PCDHGB3: variants seen among roughly 807,000 people sequenced by gnomAD.
PCDHGB3 encodes protocadherin gamma subfamily B, 3, also known as protocadherin gamma-B3.
In PCDHGB3, 40 loss-of-function variants were observed where a neutral mutation model predicts 59.2. The observed-to-expected ratio is 0.68, with a 90% CI of 0.52 to 0.88. The LOEUF (loss-of-function observed/expected upper bound fraction) is 0.88. Ranked by LOEUF, PCDHGB3 falls within the 40% of genes least tolerant of loss-of-function variation. The pLI is 0.00. For synonymous variants in PCDHGB3, 581 were observed against 503.6 expected, an observed-to-expected ratio of 1.15 and a Z score of -2.06; for missense variants, 1,309 against 1,187.9, an observed-to-expected ratio of 1.10 and a Z score of -1.50.
chr5:141,376,067 G>A (rs766311632), intron 1 of PCDHGB3: 4 of 1,613,402 alleles, frequency 2.5e-6, no homozygotes, highest in Non-Finnish European at 3.4e-6. Context: ...CACGCTCACC[G>A]TGGCCGTGGC....
At chr5:141,428,286 A>G in intron 1 of PCDHGB3, 1 of 730,462 alleles carries the variant, frequency 1.4e-6, no homozygotes, top group Non-Finnish European at 2.4e-6. Flanking sequence ...ATTCCCAAGC[A>G]AAGCTGCAGA....
chr5:141,417,618 G>C, intron 1 of PCDHGB3: 3 of 654,348 alleles, frequency 4.6e-6, no homozygotes, highest in Non-Finnish European at 7.4e-6. Flanking sequence ...CCAGTGCAGA[G>C]CAAGCGCTGA....
chr5:141,410,164 C>G (rs756470415), intron 1 of PCDHGB3: 8 of 1,613,642 alleles, frequency 5.0e-6, no homozygotes, highest in South Asian at 2.2e-5. Context: ...AGCCGCCACT[C>G]TCTGCCACCG....
intron 1 of PCDHGB3, among the ~76,000 whole-genome samples, chr5:141,480,451 T>G (rs2099519323): frequency 6.6e-6 from 1 of 152,136 alleles, no homozygotes; most frequent in African/African-American, 2.4e-5. Flanking sequence ...ATAATTATTT[T>G]TATTAGTTCC....
Position 141,370,692 on chromosome 5 carries a change from T to G in PCDHGB3, c.298T>G (p.Ser100Ala). 6.2e-7 allele frequency: 1 copy of G among 1,613,730 alleles called. No homozygotes were observed. Among genetic ancestry groups the G allele is most frequent in the Non-Finnish European group, 8.5e-7 (1 of 1,179,860 alleles). ...IDREEICGKK[S>A]TCVLEFEMVA... Reference sequence around the variant, plus strand: ...CCGAGAGGAGATTTGTGGCAAGAAGTCGACGTGTGTTCTGGAATTTGAAAT... The same window carrying G: ...CCGAGAGGAGATTTGTGGCAAGAAGGCGACGTGTGTTCTGGAATTTGAAAT... The change falls in exon 1 of 4, where the codon TCG becomes GCG. Residue 100 changes from serine (S) to alanine (A), a missense_variant. Ser to Ala is a moderately conservative substitution (Grantham distance 99, BLOSUM62 1). Coordinates refer to ENST00000576222, the MANE Select transcript of PCDHGB3 (RefSeq NM_018924.5).
intron 1 of PCDHGB3, chr5:141,414,601 T>A: frequency 6.2e-7 from 1 of 1,613,944 alleles, no homozygotes; most frequent in Non-Finnish European, 8.5e-7. Flanking sequence ...TGCCTCCATC[T>A]TCTCAGTGAC....
chr5:141,374,731 T>C (rs922018990), intron 1 of PCDHGB3: 7 of 1,610,566 alleles, frequency 4.3e-6, no homozygotes, highest in Non-Finnish European at 4.2e-6. Flanking sequence ...CTGCCATGGA[T>C]GGCGGCGACC....
chr5:141,375,235 T>C (rs1335648205), intron 1 of PCDHGB3: 1 of 1,613,872 alleles, frequency 6.2e-7, no homozygotes, highest in Non-Finnish European at 8.5e-7. Flanking sequence ...TGGTAACCTG[T>C]TCCATCCCGA....
chr5:141,478,839 T>G, intron 1 of PCDHGB3: 6 of 1,423,322 alleles, frequency 4.2e-6, no homozygotes, highest in Non-Finnish European at 5.5e-6. Flanking sequence ...AAGGGATGGT[T>G]AAGCTAAAAC....
Position 141,499,370 on chromosome 5 carries a change from A to T in PCDHGB3, c.2474+4505A>T, listed in dbSNP as rs546430948. ...CATTCAACAAACAAATAGCAACTTA[A>T]TTTTTTTCCACTTATAAAATAGTAC... On this transcript the variant is annotated intron_variant, in intron 2 of 3. Coordinates refer to ENST00000576222, the MANE Select transcript of PCDHGB3 (RefSeq NM_018924.5). 2.0e-3 allele frequency among the ~76,000 whole-genome samples: 300 copies of T among 152,286 alleles called. 1 individual carries two copies. The highest frequency in any genetic ancestry group is 2.7e-3 in the Non-Finnish European group (184 of 68,028).
At position 141,414,131 on chromosome 5, in the gene PCDHGB3, A is replaced by G. The variant is rs977911874; in HGVS notation, c.2415+41322A>G. 1.9e-6 allele frequency: 3 copies of G among 1,594,622 alleles called. No homozygotes were observed. The highest frequency in any genetic ancestry group is 2.7e-5 in the African/African-American group (2 of 74,402). The stretch of plus-strand genomic sequence containing the variant: ...CTAGATTATGAAGAAACCGGTTTCT[A>G]TGAAATAGAAATACAAGCAGAAGAT... On this transcript the variant is annotated intron_variant, in intron 1 of 3. Transcript: ENST00000576222.
intron 1 of PCDHGB3, chr5:141,393,430 C>A: frequency 6.2e-7 from 1 of 1,614,040 alleles, no homozygotes. Flanking sequence ...GAGGAAGAGG[C>A]TGCTCACCAC....
chr5:141,489,894 G>T lies in PCDHGB3; in HGVS notation c.2416-4913G>T. 1.2e-6 allele frequency: 2 copies of T among 1,614,204 alleles called. No homozygotes were observed. Among genetic ancestry groups the T allele is most frequent in the Non-Finnish European group, 1.7e-6 (2 of 1,180,028 alleles). The stretch of plus-strand genomic sequence containing the variant: ...TGGTGCTTACTGCTGTGGATGGGGG[G>T]ACCCCAGCCCGCTCAGGGACCACCC... On this transcript the variant is annotated intron_variant, in intron 1 of 3. Transcript: ENST00000576222. The surrounding 1 kb of genome is among the most constrained non-coding windows in gnomAD (Gnocchi z 4.5).
At position 141,408,331 on chromosome 5, in the gene PCDHGB3, G is replaced by C. The variant is rs779178317; in HGVS notation, c.2415+35522G>C. On this transcript the variant is annotated intron_variant, in intron 1 of 3. Transcript: ENST00000576222. Reference sequence around the variant, plus strand: ...ACTCGATTCCGGAGGAGCTGGCCAAGGGCTCGGTGGTGGGGAACCTCGCTA... The same window carrying C: ...ACTCGATTCCGGAGGAGCTGGCCAACGGCTCGGTGGTGGGGAACCTCGCTA... 3.1e-6 allele frequency: 5 copies of C among 1,613,932 alleles called. No individual in the cohort carries two copies. In the South Asian group the frequency reaches 5.5e-5, roughly 18 times the overall value.
At chr5:141,374,974 G>A in intron 1 of PCDHGB3, 2 of 1,613,958 alleles carry the variant, frequency 1.2e-6, no homozygotes, top group Non-Finnish European at 1.7e-6. Context: ...TGAATGTTTT[G>A]ACTGGAGAAA....
intron 1 of PCDHGB3, chr5:141,383,239 A>G: frequency 6.2e-7 from 1 of 1,613,966 alleles, no homozygotes; most frequent in Non-Finnish European, 8.5e-7. Flanking sequence ...GGAAGATAAA[A>G]TGAATCTTTA....
At chr5:141,459,930 T>C (rs1385764489) in intron 1 of PCDHGB3, among the ~76,000 whole-genome samples, 1 of 152,176 alleles carries the variant, frequency 6.6e-6, no homozygotes, top group East Asian at 1.9e-4. Context: ...TATATCCTTG[T>C]AGCTGGGCGT....
At chr5:141,375,793 C>T (rs761231690) in intron 1 of PCDHGB3, 4 of 1,614,110 alleles carry the variant, frequency 2.5e-6, no homozygotes, top group East Asian at 4.5e-5. Context: ...TCCCCACAGA[C>T]GGTTCCACTG....
At chr5:141,388,529 G>A in intron 1 of PCDHGB3, 1 of 1,613,814 alleles carries the variant, frequency 6.2e-7, no homozygotes, top group South Asian at 1.1e-5. Context: ...TGACTGCCTT[G>A]GACTTTGGAG....
Sources: gnomAD v4.1 joint callset for allele counts (sites outside exome capture counted in the v4.1 genomes callset) on GRCh38, gnomAD v4.1.1 for gene constraint, Gnocchi (gnomAD v3.1) non-coding constraint, MANE v1.5 for transcripts, NCBI Gene and HGNC (gene_info 2026-07-23, HGNC 2026-07-21) for gene names.